The following ITFG1 variants were observed in gnomAD, a reference collection of about 807,000 sequenced individuals.
ITFG1 encodes the protein T-cell immunomodulatory protein.
ITFG1 carries 34 observed loss-of-function variants against 81.8 expected under a neutral mutation model. That is an observed-to-expected ratio of 0.42 (90% confidence interval 0.32 to 0.55). The LOEUF is 0.55. ITFG1 is among the 20% of genes least tolerant of loss of function. The pLI, the probability that ITFG1 is intolerant of heterozygous loss-of-function variation, is 0.17. For missense variants in ITFG1, 672 were observed against 755.4 expected (o/e 0.89, Z 1.29); for synonymous variants, 285 against 270.6 (o/e 1.05, Z -0.52).
At chr16:47,368,050 C>G (rs1968199872) in intron 7 of ITFG1, among the ~76,000 whole-genome samples, 1 of 151,670 alleles carries the variant, frequency 6.6e-6, no homozygotes, top group Non-Finnish European at 1.5e-5. Flanking sequence ...CTGGCTAACA[C>G]GGTGAAACCC....
intron 8 of ITFG1, among the ~76,000 whole-genome samples, chr16:47,347,566 C>T (rs546568567): frequency 1.1e-4 from 16 of 152,006 alleles, no homozygotes; most frequent in Non-Finnish European, 1.8e-4. Context: ...ATGGGTGGAG[C>T]CCACCACAGC....
At chr16:47,461,128 G>A, upstream of ITFG1, 3 of 1,329,386 alleles carry the variant, frequency 2.3e-6, no homozygotes, top group South Asian at 1.5e-5. Flanking sequence ...CCGAGAGAGT[G>A]GCGCGCAGCC....
chr16:47,457,399 A>G (rs1969467915), intron 2 of ITFG1, among the ~76,000 whole-genome samples: 1 of 152,206 alleles, frequency 6.6e-6, no homozygotes, highest in South Asian at 2.1e-4. Flanking sequence ...AAGGTAAACA[A>G]TGATTACTAA....
At chr16:47,345,701 C>T (rs1383944138) in intron 8 of ITFG1, among the ~76,000 whole-genome samples, 1 of 152,138 alleles carries the variant, frequency 6.6e-6, no homozygotes, top group East Asian at 1.9e-4. Flanking sequence ...GACAAGGTTG[C>T]TGTAGGCAAT....
chr16:47,269,380 A>G (rs1263670827), intron 10 of ITFG1, among the ~76,000 whole-genome samples: 2 of 151,826 alleles, frequency 1.3e-5, no homozygotes, highest in South Asian at 4.2e-4. Context: ...GCAGTGGGTC[A>G]CACCTACATG....
intron 8 of ITFG1, among the ~76,000 whole-genome samples, chr16:47,339,308 T>C (rs1310896536): frequency 2.0e-5 from 3 of 152,244 alleles, no homozygotes; most frequent in Non-Finnish European, 4.4e-5. Flanking sequence ...GGCATATACC[T>C]AGCAGTGGGA....
intron 5 of ITFG1, among the ~76,000 whole-genome samples, chr16:47,434,632 A>G (rs1183905190): frequency 6.6e-6 from 1 of 152,174 alleles, no homozygotes; most frequent in African/African-American, 2.4e-5. Flanking sequence ...ATTGTAGAAG[A>G]CAGTGTGGTG....
intron 10 of ITFG1, among the ~76,000 whole-genome samples, chr16:47,261,273 TG>T (rs1469922483): frequency 2.0e-5 from 3 of 152,236 alleles, no homozygotes; most frequent in African/African-American, 7.2e-5. Context: ...ATTCAAATCC[TG>T]GCTCTGTTAT....
chr16:47,360,780 C>T (rs1333684301), intron 8 of ITFG1, among the ~76,000 whole-genome samples: 1 of 152,136 alleles, frequency 6.6e-6, no homozygotes, highest in Non-Finnish European at 1.5e-5. Flanking sequence ...ACTCAATACA[C>T]CTAGCCATAA....
At chr16:47,308,014 T>C (rs1967197536) in intron 10 of ITFG1, among the ~76,000 whole-genome samples, 1 of 152,218 alleles carries the variant, frequency 6.6e-6, no homozygotes, top group African/African-American at 2.4e-5. Flanking sequence ...CCATAATGTA[T>C]TTATACCATA....
At chr16:47,389,910 G>C (rs1968509395) in intron 6 of ITFG1, among the ~76,000 whole-genome samples, 1 of 152,222 alleles carries the variant, frequency 6.6e-6, no homozygotes, top group Non-Finnish European at 1.5e-5. Context: ...ACAGAAGGCA[G>C]ATGTAAACTC....
At chr16:47,373,910 A>C (rs1225060252) in intron 7 of ITFG1, among the ~76,000 whole-genome samples, 1 of 152,218 alleles carries the variant, frequency 6.6e-6, no homozygotes, top group Admixed American at 6.5e-5. Context: ...GAAAATGATC[A>C]TTCATTTTAT....
At chr16:47,373,967 A>AT (rs1968292413) in intron 7 of ITFG1, among the ~76,000 whole-genome samples, 1 of 152,226 alleles carries the variant, frequency 6.6e-6, no homozygotes, top group South Asian at 2.1e-4. Context: ...TCTACTAATG[A>AT]TTAACTATTG....
chr16:47,304,833 C>T (rs1371641840), intron 10 of ITFG1, among the ~76,000 whole-genome samples: 1 of 152,020 alleles, frequency 6.6e-6, no homozygotes, highest in African/African-American at 2.4e-5. Context: ...TGCTACTATT[C>T]CTTAGGAGTC....
intron 8 of ITFG1, among the ~76,000 whole-genome samples, chr16:47,363,452 C>T (rs1968135231): frequency 6.6e-6 from 1 of 152,068 alleles, no homozygotes; most frequent in Admixed American, 6.5e-5. Flanking sequence ...TCACTGCAGC[C>T]TTGACCCCCT....
intron 5 of ITFG1, among the ~76,000 whole-genome samples, chr16:47,438,140 C>T (rs1040471527): frequency 1.2e-4 from 19 of 152,298 alleles, no homozygotes; most frequent in African/African-American, 3.6e-4. Flanking sequence ...GGGGTAGGGG[C>T]GCCTGCCATT....
intron 17 of ITFG1, among the ~76,000 whole-genome samples, chr16:47,158,388 C>G (rs1029685919): frequency 1.3e-5 from 2 of 152,110 alleles, no homozygotes; most frequent in African/African-American, 4.8e-5. Context: ...AGCCACCATG[C>G]CTGGCTGTTT....
Position 47,442,725 on chromosome 16 carries a change from C to A in ITFG1, c.560+8671G>T, listed in dbSNP as rs1365646070. ...GGAGAAAGCTGAAACTGGATCCCTT[C>A]CTTACACCTTATACAAAAATTAATT... is the stretch of plus-strand genomic sequence containing the variant. On this transcript the variant is annotated intron_variant, in intron 5 of 17. Coordinates refer to ENST00000320640, the MANE Select transcript of ITFG1 (RefSeq NM_030790.5). 1.3e-5 allele frequency among the ~76,000 whole-genome samples: 2 copies of A among 152,156 alleles called. 1 individual carries two copies. Among genetic ancestry groups the A allele is most frequent in the African/African-American group, 4.8e-5 (2 of 41,432 alleles).
chr16:47,426,961 T>C (rs1596976667), intron 6 of ITFG1, among the ~76,000 whole-genome samples: 6 of 152,304 alleles, frequency 3.9e-5, no homozygotes, highest in Admixed American at 2.6e-4. Flanking sequence ...TGTTAAGTGT[T>C]TGAATGCTCA....
Sources: allele counts gnomAD v4.1 joint callset (sites outside exome capture counted in the v4.1 genomes callset), GRCh38; gene constraint gnomAD v4.1.1; transcripts MANE v1.5; gene names NCBI Gene and HGNC (gene_info 2026-07-23, HGNC 2026-07-21).